Variants in CD96 observed in about 807,000 individuals in gnomAD.
CD96 encodes the protein T-cell surface protein tactile.
In CD96, 70 loss-of-function variants were observed where a neutral mutation model predicts 71.3. The observed-to-expected ratio is 0.98, with a 90% CI of 0.81 to 1.20. The LOEUF (loss-of-function observed/expected upper bound fraction) is 1.20, where lower values mean the gene tolerates loss of function less well. CD96 is among the 50% of genes most tolerant of loss of function. The pLI is 0.00. For synonymous variants in CD96, 248 were observed against 233.0 expected, an observed-to-expected ratio of 1.06 and a Z score of -0.59; for missense variants, 742 against 677.5, an observed-to-expected ratio of 1.10 and a Z score of -1.06.
chr3:111,649,829 G>A lies in CD96; in HGVS notation c.*23G>A. ...TAGTCTCGTGAGACTTTGCCCCATG[G>A]CAGAACTCTGCTGGAATCCTATTGA... On this transcript the variant is annotated 3_prime_UTR_variant, in exon 14 of 14. Transcript: ENST00000352690. 1 of 1,368,198 alleles carries A rather than the reference G, an allele frequency of 7.3e-7. No homozygotes were observed. Among genetic ancestry groups the A allele is most frequent in the Middle Eastern group, 1.8e-4 (1 of 5,580 alleles). 84.8% of individuals were successfully genotyped at this position (1,368,198 alleles called of 1,614,324 possible).
intron 3 of CD96, among the ~76,000 whole-genome samples, chr3:111,576,048 A>G (rs1936207016): frequency 1.3e-5 from 2 of 152,240 alleles, no homozygotes; most frequent in Admixed American, 6.5e-5. Context: ...ACTAGATAAT[A>G]ATAAGCTTGT....
intron 14 of CD96, among the ~76,000 whole-genome samples, chr3:111,661,477 G>A (rs1940356677): frequency 6.6e-6 from 1 of 152,194 alleles, no homozygotes; most frequent in Non-Finnish European, 1.5e-5. Flanking sequence ...CTGAGACAAG[G>A]CGAGTCCCTT....
intron 5 of CD96, among the ~76,000 whole-genome samples, chr3:111,587,499 G>A (rs532248897): frequency 2.8e-4 from 43 of 152,320 alleles, no homozygotes; most frequent in African/African-American, 1.0e-3. Context: ...CAGGCACACA[G>A]TGCAAGCTGT....
chr3:111,542,212 C>T lies in CD96; in HGVS notation c.-37C>T, dbSNP rs758098274. 74 of 1,591,406 alleles carry T rather than the reference C, an allele frequency of 4.6e-5. 1 individual carries two copies. In the East Asian group the frequency reaches 1.0e-3, roughly 22 times the overall value. On this transcript the variant is annotated 5_prime_UTR_variant, in exon 1 of 14. Coordinates refer to ENST00000352690, the MANE Select transcript of CD96 (RefSeq NM_005816.5). ...TGAAAACATCAATTGACTTTGTGAT[C>T]ATTACAGAAATGCTGGTGTAAGGTG...
intron 4 of CD96, among the ~76,000 whole-genome samples, chr3:111,580,064 T>C (rs1032116758): frequency 6.6e-6 from 1 of 152,188 alleles, no homozygotes; most frequent in Non-Finnish European, 1.5e-5. Flanking sequence ...AGGAAGGTGA[T>C]AAATATAGCC....
chr3:111,569,206 T>C (rs1224326571), intron 3 of CD96, among the ~76,000 whole-genome samples: 1 of 152,192 alleles, frequency 6.6e-6, no homozygotes, highest in Admixed American at 6.5e-5. Context: ...TGACTTGTAC[T>C]AAAAACTTTA....
chr3:111,567,952 G>C (rs1935800056), intron 3 of CD96, among the ~76,000 whole-genome samples: 1 of 152,198 alleles, frequency 6.6e-6, no homozygotes. Flanking sequence ...CTAGAAAGGA[G>C]CCATATTCAG....
chr3:111,639,268 C>T (rs1055345807), intron 12 of CD96, among the ~76,000 whole-genome samples: 2 of 152,134 alleles, frequency 1.3e-5, no homozygotes, highest in African/African-American at 2.4e-5. Context: ...GAGACAGACT[C>T]GGGGCTGTTG....
intron 8 of CD96, among the ~76,000 whole-genome samples, chr3:111,618,339 G>A (rs775903255): frequency 6.6e-6 from 1 of 152,172 alleles, no homozygotes; most frequent in Non-Finnish European, 1.5e-5. Context: ...TTTCACCTCT[G>A]TAGTAGTTTC....
Position 111,560,970 on chromosome 3 carries a change from T to C in CD96, c.419-6553T>C, listed in dbSNP as rs1440831490. ...TCATTTCATTCATTTCATCTTCCATTGCTGATACCCTTTCTTCCAGTTGAT... is the reference window on the plus strand; with the variant it reads ...TCATTTCATTCATTTCATCTTCCATCGCTGATACCCTTTCTTCCAGTTGAT... On this transcript the variant is annotated intron_variant, in intron 2 of 13. Transcript: ENST00000352690. Among the ~76,000 whole-genome samples the C allele has an allele frequency of 9.3e-4, 129 of 139,428 alleles. 1 individual carries two copies. Among genetic ancestry groups the C allele is most frequent in the South Asian group, 5.2e-3 (23 of 4,424 alleles). 91.5% of individuals were successfully genotyped at this position (139,428 alleles called of 152,430 possible). A position where few individuals can be genotyped will look rare whatever the true frequency, so the allele number is the denominator to read the frequency against.
In CD96 at chr3:111,571,318, T is replaced by A. The variant is rs181512725; in HGVS notation, c.543+3671T>A. 1.3e-4 allele frequency among the ~76,000 whole-genome samples: 19 copies of A among 151,168 alleles called. No individual in the cohort carries two copies. In the East Asian group the frequency reaches 3.5e-3, roughly 28 times the overall value. Reference sequence around the variant, plus strand: ...ATACTTAATAAATACTTGAATTAATTTATTTCTATTTGTCCCCTTTCCCCA... The same window carrying A: ...ATACTTAATAAATACTTGAATTAATATATTTCTATTTGTCCCCTTTCCCCA... On this transcript the variant is annotated intron_variant, in intron 3 of 13. Transcript: ENST00000352690.
At chr3:111,639,176 C>T (rs1181624315) in intron 12 of CD96, among the ~76,000 whole-genome samples, 1 of 152,164 alleles carries the variant, frequency 6.6e-6, no homozygotes, top group Non-Finnish European at 1.5e-5. Context: ...CAGACAGCCT[C>T]TGTAGCACCC....
At chr3:111,620,610 T>C (rs1938472640) in intron 8 of CD96, among the ~76,000 whole-genome samples, 1 of 152,106 alleles carries the variant, frequency 6.6e-6, no homozygotes, top group African/African-American at 2.4e-5. Context: ...CTAAAGAAAA[T>C]TCAGCTGGAG....
intron 8 of CD96, among the ~76,000 whole-genome samples, chr3:111,615,824 C>G (rs1184048191): frequency 6.6e-6 from 1 of 152,238 alleles, no homozygotes; most frequent in Non-Finnish European, 1.5e-5. Context: ...TTGATATATC[C>G]CCCACGACTG....
At chr3:111,576,159 G>C (rs1021348876) in intron 3 of CD96, among the ~76,000 whole-genome samples, 1 of 152,132 alleles carries the variant, frequency 6.6e-6, no homozygotes, top group African/African-American at 2.4e-5. Context: ...GTCTACCAAG[G>C]TGTGAATCCA....
intron 2 of CD96, among the ~76,000 whole-genome samples, chr3:111,566,249 A>G (rs1204249858): frequency 6.6e-6 from 1 of 151,934 alleles, no homozygotes; most frequent in African/African-American, 2.4e-5. Flanking sequence ...ATTATACCTC[A>G]GAGAATTTAT....
chr3:111,626,022 G>A (rs921949314), intron 10 of CD96, among the ~76,000 whole-genome samples: 3 of 152,072 alleles, frequency 2.0e-5, no homozygotes, highest in Non-Finnish European at 4.4e-5. Flanking sequence ...GCTCAATCTC[G>A]GCCGGGTGCA....
chr3:111,622,283 C>T (rs1938552322), intron 8 of CD96, among the ~76,000 whole-genome samples: 1 of 152,208 alleles, frequency 6.6e-6, no homozygotes, highest in Non-Finnish European at 1.5e-5. Context: ...TCAGGAGATT[C>T]AAGTGGCCTA....
chr3:111,637,198 G>C lies in CD96; in HGVS notation c.1324G>C (p.Val442Leu). 6.4e-7 allele frequency: 1 copy of C among 1,552,470 alleles called. No homozygotes were observed. Among genetic ancestry groups the C allele is most frequent in the Non-Finnish European group, 8.9e-7 (1 of 1,123,632 alleles). ...TSSGTDTKKS[V>L]SRIPSETYSS... is the part of the protein sequence containing the mutation. ...CTTCTGATATCTTCTTCCTTTAGCAGTTTCACGGATACCTAGTGAAACATA... is the reference window on the plus strand; with the variant it reads ...CTTCTGATATCTTCTTCCTTTAGCACTTTCACGGATACCTAGTGAAACATA... Residue 442 changes from valine to leucine, a missense_variant and splice_region_variant, in exon 11 of 14, where the codon GTT becomes CTT. By Grantham distance (32) the Val-to-Leu change is conservative. Coordinates refer to ENST00000352690, the MANE Select transcript of CD96 (RefSeq NM_005816.5).
Sources: gnomAD v4.1 joint callset for allele counts (sites outside exome capture counted in the v4.1 genomes callset) on GRCh38, gnomAD v4.1.1 for gene constraint, MANE v1.5 for transcripts, NCBI Gene and HGNC (gene_info 2026-07-23, HGNC 2026-07-21) for gene names.